EGFLAM: variants seen among roughly 807,000 people sequenced by gnomAD.
EGFLAM encodes the protein EGF like, fibronectin type III and laminin G domains.
EGFLAM carries 79 observed loss-of-function variants against 113.1 expected under a neutral mutation model. The observed-to-expected ratio is 0.70, with a 90% CI of 0.58 to 0.84. EGFLAM has a LOEUF of 0.84. Among genes scored for constraint, EGFLAM ranks in the 40% least tolerant of loss-of-function variants. EGFLAM has a pLI of 0.00. For synonymous variants in EGFLAM, 504 were observed against 487.6 expected (o/e 1.03, Z -0.44); for missense variants, 1,265 against 1,291.6 (o/e 0.98, Z 0.32).
At chr5:38,395,148 C>T (rs1015552824) in intron 6 of EGFLAM, among the ~76,000 whole-genome samples, 4 of 151,706 alleles carry the variant, frequency 2.6e-5, no homozygotes, top group Non-Finnish European at 2.9e-5. Context: ...CCATGTTGGT[C>T]AGGCTGGTCT....
intron 2 of EGFLAM, among the ~76,000 whole-genome samples, chr5:38,338,291 C>T (rs1053097821): frequency 1.3e-5 from 2 of 152,176 alleles, no homozygotes; most frequent in African/African-American, 4.8e-5. Flanking sequence ...CCACCACCTG[C>T]TACTGTCTCC....
rs753773224 is a variant in EGFLAM, at chr5:38,352,250, A to G, written c.464A>G (p.Asp155Gly). 1 of 1,614,084 alleles carries G rather than the reference A, an allele frequency of 6.2e-7. No individual in the cohort carries two copies. Among genetic ancestry groups the G allele is most frequent in the Admixed American group, 1.7e-5 (1 of 60,012 alleles). Residue 155 changes from aspartate (D) to glycine (G), a missense_variant, in exon 5 of 22, where the codon GAT becomes GGT. Transcript: ENST00000322350. Reference sequence around the variant, plus strand: ...CAGCCACATGTCATTGTGGTTTCGGATTCTGAGGTGGCCCTGTCTTGGAAA... The same window carrying G: ...CAGCCACATGTCATTGTGGTTTCGGGTTCTGAGGTGGCCCTGTCTTGGAAA... ...PQQPHVIVVS[D>G]SEVALSWKPG...
At position 38,264,870 on chromosome 5, in the gene EGFLAM, A is replaced by G. The variant is rs1289449127; in HGVS notation, c.97+6019A>G. Reference sequence around the variant, plus strand: ...CACCCAACTCCTAGCGCCCCACGCAATTCAGGCAGACAGAAATGTTTTCCT... The same window carrying G: ...CACCCAACTCCTAGCGCCCCACGCAGTTCAGGCAGACAGAAATGTTTTCCT... On this transcript the variant is annotated intron_variant, in intron 1 of 21. Transcript: ENST00000322350. 2.6e-5 allele frequency among the ~76,000 whole-genome samples: 4 copies of G among 152,208 alleles called. No homozygotes were observed. The East Asian group carries it at 5.8e-4, about 22-fold the overall frequency.
At chr5:38,448,007 G>C (rs1015985008) in intron 17 of EGFLAM, among the ~76,000 whole-genome samples, 1 of 152,150 alleles carries the variant, frequency 6.6e-6, no homozygotes, top group African/African-American at 2.4e-5. Context: ...TGGCTTCCAA[G>C]AATAATTGGG....
At chr5:38,383,747 A>G (rs755353842) in intron 6 of EGFLAM, among the ~76,000 whole-genome samples, 1 of 149,338 alleles carries the variant, frequency 6.7e-6, no homozygotes, top group East Asian at 2.0e-4. Context: ...GAGGGTGTAG[A>G]GGATGGTGGG....
chr5:38,379,734 A>T (rs4437399), intron 6 of EGFLAM, among the ~76,000 whole-genome samples: 4,026 of 152,066 alleles, frequency 0.026, 83 homozygotes, highest in East Asian at 0.06. Flanking sequence ...CAGTGATCAG[A>T]TGTCAGAGAA....
intron 1 of EGFLAM, among the ~76,000 whole-genome samples, chr5:38,296,145 A>C (rs1296967077): frequency 6.6e-6 from 1 of 152,094 alleles, no homozygotes; most frequent in Non-Finnish European, 1.5e-5. Flanking sequence ...AGAAAAGGAA[A>C]ATAGGGTCCA....
chr5:38,404,574 G>A (rs1741220008), intron 6 of EGFLAM, among the ~76,000 whole-genome samples: 1 of 152,232 alleles, frequency 6.6e-6, no homozygotes, highest in Non-Finnish European at 1.5e-5. Flanking sequence ...AATGGTGCAT[G>A]ACTTAGCTTA....
intron 1 of EGFLAM, chr5:38,305,388 T>C (rs1161371879): frequency 4.6e-6 from 2 of 439,434 alleles, no homozygotes; most frequent in South Asian, 1.7e-5. Flanking sequence ...TGAAGGATGA[T>C]AGAAGACTCT....
At chr5:38,430,818 C>A (rs986994207) in intron 14 of EGFLAM, among the ~76,000 whole-genome samples, 2 of 152,166 alleles carry the variant, frequency 1.3e-5, no homozygotes, top group African/African-American at 2.4e-5. Context: ...CCGTTCCAGT[C>A]CAAGTCAAAG....
At chr5:38,390,675 T>TA (rs1296465053) in intron 6 of EGFLAM, among the ~76,000 whole-genome samples, 2 of 152,212 alleles carry the variant, frequency 1.3e-5, no homozygotes, top group African/African-American at 4.8e-5. Flanking sequence ...GACTTTGAAA[T>TA]ACCAATCTGA....
intron 5 of EGFLAM, among the ~76,000 whole-genome samples, chr5:38,363,914 C>G (rs1259828918): frequency 6.6e-6 from 1 of 152,176 alleles, no homozygotes; most frequent in Non-Finnish European, 1.5e-5. Context: ...AACTCTGCCA[C>G]TGTGGTAGGA....
chr5:38,445,676 C>T, intron 17 of EGFLAM: 3 of 1,598,458 alleles, frequency 1.9e-6, no homozygotes, highest in Non-Finnish European at 2.5e-6. Flanking sequence ...TGGCACCGGG[C>T]AGAGTGTGGG....
Position 38,258,802 on chromosome 5 carries a change from C to A in EGFLAM, c.48C>A (p.Ser16=), listed in dbSNP as rs1407918329. 2.5e-6 allele frequency: 4 copies of A among 1,612,502 alleles called. No homozygotes were observed. Among genetic ancestry groups the A allele is most frequent in the Non-Finnish European group, 3.4e-6 (4 of 1,179,652 alleles). Residue 16 remains serine (S), a synonymous_variant, in exon 1 of 22, where the codon TCC becomes TCA. Transcript: ENST00000322350. The part of the protein sequence containing the change: ...GVLLRLLLLA[S]SLGPGAVSLR... ...TGCTCCGGCTCCTGCTCCTGGCTTC[C>A]AGCCTCGGACCCGGCGCGGTGTCGC... is the stretch of plus-strand genomic sequence containing the variant.
At chr5:38,323,744 T>A (rs999088352) in intron 1 of EGFLAM, among the ~76,000 whole-genome samples, 43 of 151,938 alleles carry the variant, frequency 2.8e-4, no homozygotes, top group Non-Finnish European at 5.9e-4. Context: ...AAAAAAAAAA[T>A]TTGTTTCATT....
intron 6 of EGFLAM, chr5:38,403,745 C>T: frequency 6.5e-7 from 1 of 1,538,598 alleles, no homozygotes; most frequent in Non-Finnish European, 8.8e-7. Context: ...AATGAAATTG[C>T]AGAAAGCAAA....
At chr5:38,265,359 C>A (rs1757608240) in intron 1 of EGFLAM, among the ~76,000 whole-genome samples, 2 of 152,200 alleles carry the variant, frequency 1.3e-5, no homozygotes, top group South Asian at 4.1e-4. Flanking sequence ...GTTCTCCTGC[C>A]TCACACCCTG....
rs927487005 is a variant in EGFLAM at position 38,446,142 on chromosome 5, C to T, written c.2465-2159C>T. Among the ~76,000 whole-genome samples, 10 of 152,252 alleles carry T rather than the reference C, an allele frequency of 6.6e-5. No individual in the cohort carries two copies. The East Asian group carries it at 1.9e-3, about 30-fold the overall frequency. Reference sequence around the variant, plus strand: ...CCGCTCAGCTTGGATCTTCTCTCCTCCTTCTCCCTTCCCAGCCATGGTGTC... The same window carrying T: ...CCGCTCAGCTTGGATCTTCTCTCCTTCTTCTCCCTTCCCAGCCATGGTGTC... On this transcript the variant is annotated intron_variant, in intron 17 of 21. Coordinates refer to ENST00000322350, the MANE Select transcript of EGFLAM (RefSeq NM_152403.4).
At chr5:38,383,863 C>T (rs1579849142) in intron 6 of EGFLAM, among the ~76,000 whole-genome samples, 1 of 151,842 alleles carries the variant, frequency 6.6e-6, no homozygotes, top group Non-Finnish European at 1.5e-5. Context: ...CCTGGGGTGA[C>T]AGCCCACAGG....
Sources: allele counts gnomAD v4.1 joint callset (sites outside exome capture counted in the v4.1 genomes callset), GRCh38; gene constraint gnomAD v4.1.1; transcripts MANE v1.5; gene names NCBI Gene and HGNC (gene_info 2026-07-23, HGNC 2026-07-21).